The following SFT2D1 variants were observed in gnomAD, a reference collection of about 807,000 sequenced individuals.
SFT2D1 encodes vesicle transport protein SFT2A.
In SFT2D1, 24 loss-of-function variants were observed where a neutral mutation model predicts 28.1. The observed-to-expected ratio is 0.85, with a 90% confidence interval of 0.62 to 1.20. SFT2D1 has a LOEUF of 1.20. SFT2D1 is among the 50% of genes most tolerant of loss of function. The pLI is 0.00. For synonymous variants in SFT2D1, 82 were observed against 73.7 expected (o/e 1.11, Z -0.58); for missense variants, 181 against 190.9 (o/e 0.95, Z 0.31).
intron 7 of SFT2D1, among the ~76,000 whole-genome samples, chr6:166,321,107 T>C (rs901650703): frequency 6.7e-6 from 1 of 149,600 alleles, no homozygotes; most frequent in East Asian, 1.9e-4. Flanking sequence ...TGAGACTCCA[T>C]CTCAAAAAAA....
At chr6:166,340,987 A>G (rs1188841102) in intron 1 of SFT2D1, among the ~76,000 whole-genome samples, 1 of 152,136 alleles carries the variant, frequency 6.6e-6, no homozygotes, top group Admixed American at 6.5e-5. Flanking sequence ...TGCATCTCCA[A>G]AGTTTAGAGT....
chr6:166,326,141 A>G lies in SFT2D1; in HGVS notation c.342T>C (p.Ala114=). The change falls in exon 5 of 8, where the codon GCT becomes GCC. Residue 114 remains alanine (A), a synonymous_variant. Coordinates refer to ENST00000361731, the MANE Select transcript of SFT2D1 (RefSeq NM_145169.3). ...MLLCFIFTLC[A]ALWWHKKGLA... The stretch of plus-strand genomic sequence containing the variant: ...GGCTGACATAACTTACCCAAAGAGC[A>G]GCACACAGGGTAAATATGAAACACA... 1.2e-6 allele frequency: 2 copies of G among 1,613,948 alleles called. No homozygotes were observed. Among genetic ancestry groups the G allele is most frequent in the South Asian group, 1.1e-5 (1 of 91,076 alleles).
In SFT2D1 at chr6:166,324,353, A is replaced by G. The variant is rs533217990; in HGVS notation, c.410+184T>C. On this transcript the variant is annotated intron_variant, in intron 6 of 7. Coordinates refer to ENST00000361731, the MANE Select transcript of SFT2D1 (RefSeq NM_145169.3). ...ACAGCACCCCATACTTCTCCCGAAC[A>G]GTACCACTGAGCCACGCTGTCAAGT... 586 of 532,372 alleles carry G rather than the reference A, an allele frequency of 1.1e-3. 3 individuals are homozygous for G. The highest frequency in any genetic ancestry group is 9.7e-3 in the African/African-American group (505 of 52,186). 33.0% of individuals were successfully genotyped at this position (532,372 alleles called of 1,614,324 possible). A position where few individuals can be genotyped will look rare whatever the true frequency, so the allele number is the denominator to read the frequency against.
chr6:166,330,079 G>C, intron 2 of SFT2D1, 82 bp downstream of exon 2: 1 of 1,068,414 alleles, frequency 9.4e-7, no homozygotes, highest in Non-Finnish European at 1.3e-6. Flanking sequence ...ATTTAGTAAA[G>C]GACATTAGTT....
At chr6:166,332,110 C>T (rs1260113248) in intron 1 of SFT2D1, among the ~76,000 whole-genome samples, 1 of 152,178 alleles carries the variant, frequency 6.6e-6, no homozygotes, top group Non-Finnish European at 1.5e-5. Flanking sequence ...AATCCACAAG[C>T]AAATGATTTG....
At chr6:166,336,686 C>A (rs1347709045) in intron 1 of SFT2D1, among the ~76,000 whole-genome samples, 1 of 152,186 alleles carries the variant, frequency 6.6e-6, no homozygotes, top group Non-Finnish European at 1.5e-5. Flanking sequence ...CCTCCCACCG[C>A]AGCCTCCCAT....
chr6:166,339,570 A>G (rs769825985), intron 1 of SFT2D1, among the ~76,000 whole-genome samples: 3 of 152,006 alleles, frequency 2.0e-5, no homozygotes, highest in East Asian at 1.9e-4. Flanking sequence ...CCTGACTTCA[A>G]TCAGGCCTCT....
chr6:166,333,293 T>C (rs1306610645), intron 1 of SFT2D1, among the ~76,000 whole-genome samples: 2 of 152,200 alleles, frequency 1.3e-5, no homozygotes, highest in Non-Finnish European at 2.9e-5. Context: ...CCTTGCAGCA[T>C]GCGGCACGGG....
chr6:166,334,060 CAT>C (rs1778600382), intron 1 of SFT2D1, among the ~76,000 whole-genome samples: 1 of 152,218 alleles, frequency 6.6e-6, no homozygotes, highest in African/African-American at 2.4e-5. Flanking sequence ...CTCTAGTGAA[CAT>C]GTTCTCACTC....
At chr6:166,337,467 G>A (rs539141603) in intron 1 of SFT2D1, among the ~76,000 whole-genome samples, 62 of 152,116 alleles carry the variant, frequency 4.1e-4, no homozygotes, top group South Asian at 2.9e-3. Flanking sequence ...ATGTCCCACC[G>A]GCTCTCCTGA....
At position 166,319,796 on chromosome 6, in the gene SFT2D1, A is replaced by C. The variant is rs1778311765; in HGVS notation, c.*421T>G. On this transcript the variant is annotated 3_prime_UTR_variant, in exon 8 of 8. Transcript: ENST00000361731. The stretch of plus-strand genomic sequence containing the variant: ...ATATATTATTTTTATTACATATAAT[A>C]AGCAATTTTTAGCTTAAAATAAGTT... 1 of 152,364 alleles carries C rather than the reference A, an allele frequency of 6.6e-6. No homozygotes were observed. The allele number at this position is 152,364 out of a possible 1,614,324, so 9.4% of individuals were successfully genotyped here.
At chr6:166,327,972 A>G (rs925297806) in intron 4 of SFT2D1, among the ~76,000 whole-genome samples, 1 of 151,898 alleles carries the variant, frequency 6.6e-6, no homozygotes, top group Non-Finnish European at 1.5e-5. Flanking sequence ...TAATTTTTGT[A>G]TTTTTAGTAG....
intron 1 of SFT2D1, among the ~76,000 whole-genome samples, chr6:166,339,468 C>T (rs548314811): frequency 6.6e-6 from 1 of 152,268 alleles, no homozygotes; most frequent in African/African-American, 2.4e-5. Flanking sequence ...GTTCCCCGAC[C>T]CCACTGCATC....
intron 1 of SFT2D1, among the ~76,000 whole-genome samples, chr6:166,331,578 T>C (rs1476818651): frequency 1.3e-5 from 2 of 152,196 alleles, no homozygotes; most frequent in Non-Finnish European, 2.9e-5. Flanking sequence ...AAGAGTGAAA[T>C]TGCCTATAAA....
At chr6:166,336,408 G>A (rs187321618) in intron 1 of SFT2D1, among the ~76,000 whole-genome samples, 1 of 152,316 alleles carries the variant, frequency 6.6e-6, no homozygotes, top group African/African-American at 2.4e-5. Context: ...TAACATTATA[G>A]ATGGGAATGA....
At chr6:166,334,878 G>A in intron 1 of SFT2D1, 1 of 422,448 alleles carries the variant, frequency 2.4e-6, no homozygotes, top group Non-Finnish European at 4.6e-6. Flanking sequence ...AAGACGAGGT[G>A]CCCAACTGTG....
intron 1 of SFT2D1, among the ~76,000 whole-genome samples, chr6:166,341,477 C>T (rs1778781089): frequency 6.6e-6 from 1 of 151,724 alleles, no homozygotes; most frequent in Non-Finnish European, 1.5e-5. Context: ...AATTCATTGG[C>T]CACATGTGGC....
At chr6:166,320,988 G>A (rs760172571) in intron 7 of SFT2D1, among the ~76,000 whole-genome samples, 1 of 152,138 alleles carries the variant, frequency 6.6e-6, no homozygotes, top group Admixed American at 6.5e-5. Context: ...GCACGTGCCT[G>A]TAATCCCAGC....
chr6:166,322,102 T>C (rs1312505527), intron 7 of SFT2D1, among the ~76,000 whole-genome samples: 6 of 152,144 alleles, frequency 3.9e-5, no homozygotes, highest in Non-Finnish European at 8.8e-5. Context: ...AGGCTGGTCT[T>C]GAACTCCTGA....
Sources: allele counts gnomAD v4.1 joint callset (sites outside exome capture counted in the v4.1 genomes callset), GRCh38; gene constraint gnomAD v4.1.1; transcripts MANE v1.5; gene names NCBI Gene and HGNC (gene_info 2026-07-23, HGNC 2026-07-21).